Variants in TMEM131L observed in about 807,000 individuals in gnomAD.
TMEM131L encodes transmembrane protein 131-like.
TMEM131L carries 54 observed loss-of-function variants against 192.2 expected under a neutral mutation model. That is an observed-to-expected ratio of 0.28 (90% CI 0.23 to 0.35). The LOEUF is 0.35. Ranked by LOEUF, TMEM131L falls within the 10% of genes least tolerant of loss-of-function variation. The pLI, the probability that TMEM131L is intolerant of heterozygous loss-of-function variation, is 1.00. For synonymous variants in TMEM131L, 701 were observed against 704.9 expected (o/e 0.99, Z 0.09); for missense variants, 1,888 against 1,972.9 (o/e 0.96, Z 0.82).
At chr4:153,561,225 T>C (rs1449665433) in intron 7 of TMEM131L, among the ~76,000 whole-genome samples, 1 of 152,192 alleles carries the variant, frequency 6.6e-6, no homozygotes, top group Non-Finnish European at 1.5e-5. Flanking sequence ...CATTTTAAAA[T>C]TGTGTTTGTC....
chr4:153,514,851 C>T (rs951753478), intron 3 of TMEM131L, among the ~76,000 whole-genome samples: 1 of 151,632 alleles, frequency 6.6e-6, no homozygotes, highest in Non-Finnish European at 1.5e-5. Context: ...CTCGCTCTGT[C>T]CCCCAGGCTG....
rs1329061475 is a variant in TMEM131L at position 153,636,686 on chromosome 4, A to G, written c.*110A>G. 4.6e-6 allele frequency: 5 copies of G among 1,080,192 alleles called. No individual in the cohort carries two copies. Among genetic ancestry groups the G allele is most frequent in the African/African-American group, 1.6e-5 (1 of 62,508 alleles). 66.9% of individuals were successfully genotyped at this position (1,080,192 alleles called of 1,614,324 possible). On this transcript the variant is annotated 3_prime_UTR_variant, in exon 35 of 35. Transcript: ENST00000409959. ...CATTGGTGGATATTTTGGCACTTTT[A>G]TATGAAAATAAATTTTTTAATGAAA...
intron 3 of TMEM131L, among the ~76,000 whole-genome samples, chr4:153,514,142 G>T (rs1015614073): frequency 1.3e-5 from 2 of 152,110 alleles, no homozygotes; most frequent in African/African-American, 4.8e-5. Context: ...CTTGCCCTGG[G>T]TGACCGTAGC....
chr4:153,636,589 T>C lies in TMEM131L; in HGVS notation c.*13T>C. 6.2e-7 allele frequency: 1 copy of C among 1,605,990 alleles called. No individual in the cohort carries two copies. Among genetic ancestry groups the C allele is most frequent in the Non-Finnish European group, 8.5e-7 (1 of 1,173,698 alleles). On this transcript the variant is annotated 3_prime_UTR_variant, in exon 35 of 35. Transcript: ENST00000409959. ...TGGGAATGTGTGAAAATAATTGGAT[T>C]TTTAAACAATGTGAATAAAGAGGCT...
chr4:153,590,499 C>A (rs1578813971), intron 16 of TMEM131L, among the ~76,000 whole-genome samples: 1 of 152,118 alleles, frequency 6.6e-6, no homozygotes, highest in African/African-American at 2.4e-5. Flanking sequence ...ATTAATAAAT[C>A]TGTGCTGTGA....
chr4:153,504,426 C>T (rs142483319), intron 3 of TMEM131L, among the ~76,000 whole-genome samples: 2,487 of 150,626 alleles, frequency 0.017, 81 homozygotes, highest in African/African-American at 0.057. Flanking sequence ...ATTATAGGTG[C>T]GCACTACCAC....
intron 3 of TMEM131L, among the ~76,000 whole-genome samples, chr4:153,478,186 A>G (rs548161511): frequency 2.6e-5 from 4 of 152,160 alleles, no homozygotes; most frequent in Non-Finnish European, 2.9e-5. Flanking sequence ...AGAAATGATC[A>G]TGATGTGGGT....
intron 3 of TMEM131L, among the ~76,000 whole-genome samples, chr4:153,526,514 C>G (rs1735496638): frequency 6.6e-6 from 1 of 151,932 alleles, no homozygotes; most frequent in Admixed American, 6.5e-5. Flanking sequence ...GCAGGTGGAT[C>G]ACGAGGTCAG....
At chr4:153,494,885 G>C (rs936459608) in intron 3 of TMEM131L, among the ~76,000 whole-genome samples, 2 of 152,172 alleles carry the variant, frequency 1.3e-5, no homozygotes, top group African/African-American at 4.8e-5. Flanking sequence ...GTGACCTGCC[G>C]GGGCTCCTGC....
rs898453412 is a variant in TMEM131L, at chr4:153,555,752, A to G, written c.309-35A>G. 3 of 1,536,434 alleles carry G rather than the reference A, an allele frequency of 2.0e-6. No homozygotes were observed. The African/African-American group carries it at 4.1e-5, about 21-fold the overall frequency. The stretch of plus-strand genomic sequence containing the variant: ...TGTATGGTAATATTTATAACCACAC[A>G]ATACATTGATTTTTCTCTTTGTTTC... On this transcript the variant is annotated intron_variant, in intron 4 of 34. Coordinates refer to ENST00000409959, the MANE Select transcript of TMEM131L (RefSeq NM_001131007.2). This position sits in a 1 kb window ranked among gnomAD's most constrained non-coding sequence, Gnocchi z 4.1.
At chr4:153,530,094 G>T (rs1249958144) in intron 3 of TMEM131L, among the ~76,000 whole-genome samples, 5 of 151,166 alleles carry the variant, frequency 3.3e-5, no homozygotes, top group Non-Finnish European at 5.9e-5. Context: ...TGTAGTCAGG[G>T]TCTGTGTTTT....
chr4:153,634,433 T>C (rs1300298196), intron 33 of TMEM131L, 153 bp downstream of exon 33: 2 of 605,176 alleles, frequency 3.3e-6, no homozygotes, highest in Non-Finnish European at 5.9e-6. Context: ...TGGATCCAGT[T>C]GTGCACTGAT....
At chr4:153,603,055 A>G (rs2126364636) in intron 23 of TMEM131L, among the ~76,000 whole-genome samples, 1 of 152,342 alleles carries the variant, frequency 6.6e-6, no homozygotes, top group African/African-American at 2.4e-5. Context: ...GGAGGCTGGA[A>G]TGACCCTTTT....
At chr4:153,626,360 C>G in intron 30 of TMEM131L, 135 bp downstream of exon 30, 1 of 614,346 alleles carries the variant, frequency 1.6e-6, no homozygotes, top group Non-Finnish European at 2.8e-6. Flanking sequence ...AAAGTAAAAT[C>G]TGATTTTATT....
intron 32 of TMEM131L, among the ~76,000 whole-genome samples, chr4:153,633,940 A>T (rs1303888239): frequency 6.6e-6 from 1 of 152,184 alleles, no homozygotes; most frequent in East Asian, 1.9e-4. Context: ...TTCTGTCTCT[A>T]GTTAGACTTA....
chr4:153,511,118 A>G (rs56678854), intron 3 of TMEM131L, among the ~76,000 whole-genome samples: 19,736 of 152,202 alleles, frequency 0.13, 2,349 homozygotes, highest in African/African-American at 0.29. Context: ...CGACTCAGCA[A>G]TCCCATTACT....
At chr4:153,604,663 A>G (rs903281241) in intron 25 of TMEM131L, among the ~76,000 whole-genome samples, 1 of 152,202 alleles carries the variant, frequency 6.6e-6, no homozygotes, top group East Asian at 1.9e-4. Context: ...TATGAATATC[A>G]TATTTTCTTG....
Position 153,602,254 on chromosome 4 carries a change from A to G in TMEM131L, c.2369A>G (p.Tyr790Cys). Residue 790 changes from tyrosine (Y) to cysteine (C), a missense_variant, in exon 22 of 35, where the codon TAT becomes TGT. Tyr to Cys is a radical substitution (Grantham distance 194). Transcript: ENST00000409959. Reference sequence around the variant, plus strand: ...GTTTCGTCTCTGAAAATTAATGGGTATAACTGCCAAGGTTATGGATTCGAG... The same window carrying G: ...GTTTCGTCTCTGAAAATTAATGGGTGTAACTGCCAAGGTTATGGATTCGAG... Reference protein sequence around the residue: ...ITVSSLKINGYNCQGYGFEVL... With the variant: ...ITVSSLKINGCNCQGYGFEVL... 1.2e-6 allele frequency: 2 copies of G among 1,613,864 alleles called. No homozygotes were observed. Among genetic ancestry groups the G allele is most frequent in the African/African-American group, 1.3e-5 (1 of 75,062 alleles).
rs1164105217 is a variant in TMEM131L at position 153,622,766 on chromosome 4, T to G, written c.3860-132T>G. On this transcript the variant is annotated intron_variant, in intron 28 of 34. Transcript: ENST00000409959. ...CCATTAGTTTCCATGAACTCCTCCT[T>G]TCTTGCTAGATGAGCAGAGGTAGCT... 5 of 831,548 alleles carry G rather than the reference T, an allele frequency of 6.0e-6. No homozygotes were observed. The African/African-American group carries it at 6.7e-5, about 11-fold the overall frequency. The allele number at this position is 831,548 out of a possible 1,614,324, so 51.5% of individuals were successfully genotyped here. A position where few individuals can be genotyped will look rare whatever the true frequency, so the allele number is the denominator to read the frequency against.
Sources: gnomAD v4.1 joint callset for allele counts (sites outside exome capture counted in the v4.1 genomes callset) on GRCh38, gnomAD v4.1.1 for gene constraint, Gnocchi (gnomAD v3.1) non-coding constraint, MANE v1.5 for transcripts, NCBI Gene and HGNC (gene_info 2026-07-23, HGNC 2026-07-21) for gene names.